The following CLIP2 variants were observed in gnomAD, a reference collection of about 807,000 sequenced individuals.
CLIP2 encodes CAP-Gly domain containing linker protein 2.
A neutral mutation model predicts 111.7 loss-of-function variants in CLIP2; 41 were observed. The ratio of observed to expected loss-of-function variants is 0.37; its 90% CI spans 0.29 to 0.48. CLIP2 has a LOEUF of 0.48. Among genes scored for constraint, CLIP2 ranks in the 20% least tolerant of loss-of-function variants. CLIP2 has a pLI of 0.99. For missense variants in CLIP2, 1,160 were observed against 1,422.1 expected (o/e 0.82, Z 2.96); for synonymous variants, 660 against 644.2 (o/e 1.02, Z -0.37).
intron 11 of CLIP2, chr7:74,386,290 T>C (rs1554314771): frequency 2.8e-6 from 1 of 363,532 alleles, no homozygotes; most frequent in Non-Finnish European, 5.0e-6. Context: ...TCCGCCGGCC[T>C]CGGCCTCCCA....
chr7:74,384,441 AT>A lies in CLIP2; in HGVS notation c.2480-2058del, dbSNP rs533449196. ...GAAGAGTAGAATGCTAGGTCATATG[AT>A]TTTTTTTTTTTTTTTTTTTTTGAGA... On this transcript the variant is annotated intron_variant, in intron 11 of 16. Transcript: ENST00000223398. 9.6e-3 allele frequency among the ~76,000 whole-genome samples: 942 copies of A among 98,452 alleles called. 5 individuals are homozygous for A. Among genetic ancestry groups the A allele is most frequent in the Non-Finnish European group, 0.011 (574 of 51,592 alleles). 64.6% of individuals were successfully genotyped at this position (98,452 alleles called of 152,430 possible). A position where few individuals can be genotyped will look rare whatever the true frequency, so the allele number is the denominator to read the frequency against.
chr7:74,403,956 C>A lies in CLIP2; in HGVS notation c.*108C>A. 1 of 1,250,568 alleles carries A rather than the reference C, an allele frequency of 8.0e-7. No homozygotes were observed. The highest frequency in any genetic ancestry group is 1.2e-6 in the Non-Finnish European group (1 of 858,788). The allele number at this position is 1,250,568 out of a possible 1,614,324, so 77.5% of individuals were successfully genotyped here. On this transcript the variant is annotated 3_prime_UTR_variant, in exon 17 of 17. Transcript: ENST00000223398. ...CGGGACTGTCACTTTGGAGACAAAACAGTGTTTGTAACAATAACGTACTCA... is the reference window on the plus strand; with the variant it reads ...CGGGACTGTCACTTTGGAGACAAAAAAGTGTTTGTAACAATAACGTACTCA...
At position 74,317,686 on chromosome 7, in the gene CLIP2, A is replaced by G; in HGVS notation, c.121+19A>G. On this transcript the variant is annotated intron_variant, in intron 2 of 16. Transcript: ENST00000223398. ...AAGGAAGGTACGTGGCACACCAAGG[A>G]TGGGGGGTGAGGGGACTGGCTACAT... 7.0e-7 allele frequency: 1 copy of G among 1,428,906 alleles called. No homozygotes were observed. The highest frequency in any genetic ancestry group is 9.2e-7 in the Non-Finnish European group (1 of 1,085,036). The allele number at this position is 1,428,906 out of a possible 1,614,324, so 88.5% of individuals were successfully genotyped here. A position where few individuals can be genotyped will look rare whatever the true frequency, so the allele number is the denominator to read the frequency against.
Position 74,403,466 on chromosome 7 carries a change from G to A in CLIP2, c.3130-371G>A, listed in dbSNP as rs187626285. 7.9e-3 allele frequency among the ~76,000 whole-genome samples: 1,206 copies of A among 152,284 alleles called. 10 individuals are homozygous for A. The highest frequency in any genetic ancestry group is 0.011 in the Non-Finnish European group (754 of 68,028). The stretch of plus-strand genomic sequence containing the variant: ...TGCCTGTTATCCCAGCTACTCAGGA[G>A]GCTGAAGCAGGAGAATCGCTTGAAC... On this transcript the variant is annotated intron_variant, in intron 16 of 16. Transcript: ENST00000223398.
chr7:74,356,450 A>C lies in CLIP2; in HGVS notation c.844A>C (p.Ile282Leu). 6.2e-7 allele frequency: 1 copy of C among 1,614,182 alleles called. No homozygotes were observed. ...CPPKFGLFAP[I>L]HKVIRIGFPS... ...ACCCAAGTTTGGTCTCTTCGCGCCC[A>C]TCCACAAAGTGATCCGTATCGGCTT... Residue 282 changes from isoleucine to leucine, a missense_variant, in exon 5 of 17, where the codon ATC (isoleucine) becomes CTC (leucine). Coordinates refer to ENST00000223398, the MANE Select transcript of CLIP2 (RefSeq NM_003388.5).
chr7:74,389,778 A>T (rs1584386811), intron 13 of CLIP2, among the ~76,000 whole-genome samples: 1 of 151,916 alleles, frequency 6.6e-6, no homozygotes, highest in East Asian at 1.9e-4. Flanking sequence ...GTGTGCCTGT[A>T]GTCCCAGCTA....
At chr7:74,342,979 G>A (rs1425091450) in intron 3 of CLIP2, among the ~76,000 whole-genome samples, 2 of 150,976 alleles carry the variant, frequency 1.3e-5, no homozygotes, top group African/African-American at 4.9e-5. Flanking sequence ...AGCTTGCAGT[G>A]AGCCAAGATG....
At chr7:74,347,265 CATGTGTA>C (rs1554306497) in intron 3 of CLIP2, among the ~76,000 whole-genome samples, 2 of 151,938 alleles carry the variant, frequency 1.3e-5, no homozygotes, top group African/African-American at 2.4e-5. Flanking sequence ...ATGAAGTGAA[CATGTGTA>C]TTCTTTTTCT....
chr7:74,299,606 C>T (rs1390699761), intron 1 of CLIP2, among the ~76,000 whole-genome samples: 3 of 152,194 alleles, frequency 2.0e-5, no homozygotes, highest in African/African-American at 7.2e-5. Flanking sequence ...CAGGCCTGAA[C>T]CTCAGTGGGC....
At chr7:74,319,711 C>T (rs1338520032) in intron 2 of CLIP2, among the ~76,000 whole-genome samples, 2 of 151,694 alleles carry the variant, frequency 1.3e-5, no homozygotes, top group African/African-American at 4.8e-5. Flanking sequence ...GTCCCAAGTA[C>T]TCAGGAGGGT....
chr7:74,364,657 G>A (rs373845296), intron 8 of CLIP2: 3 of 374,920 alleles, frequency 8.0e-6, no homozygotes, highest in African/African-American at 4.2e-5. Context: ...GTTCATCTTG[G>A]ATTCCAGGTA....
chr7:74,311,070 C>G (rs980237186), intron 1 of CLIP2, among the ~76,000 whole-genome samples: 1 of 151,864 alleles, frequency 6.6e-6, no homozygotes, highest in African/African-American at 2.4e-5. Flanking sequence ...AGCTCTGCCC[C>G]CTGGGTTCAC....
At position 74,362,528 on chromosome 7, in the gene CLIP2, C is replaced by CTTTTTTTTTTTT. The variant is rs3044338; in HGVS notation, c.1320-1720_1320-1709dup. Reference sequence around the variant, plus strand: ...ACAGATCTTTTTTTCTTTTTCTTTTCTTTTTTTTTTTTTTTTTTGTTTCTT... The same window carrying CTTTTTTTTTTTT: ...ACAGATCTTTTTTTCTTTTTCTTTTCTTTTTTTTTTTTTTTTTTTTTTTTTTTTTTGTTTCTT... On this transcript the variant is annotated intron_variant, in intron 7 of 16. Transcript: ENST00000223398. Among the ~76,000 whole-genome samples, 930 of 121,744 alleles carry CTTTTTTTTTTTT rather than the reference C, an allele frequency of 7.6e-3. 1 individual carries two copies. The highest frequency in any genetic ancestry group is 8.9e-3 in the Non-Finnish European group (548 of 61,236). 79.9% of individuals were successfully genotyped at this position (121,744 alleles called of 152,430 possible).
intron 3 of CLIP2, among the ~76,000 whole-genome samples, chr7:74,347,575 C>A (rs932614430): frequency 6.6e-6 from 1 of 152,176 alleles, no homozygotes; most frequent in Admixed American, 6.5e-5. Flanking sequence ...GCCAAACGCG[C>A]TGTACTCTAA....
chr7:74,382,542 G>A (rs1393943745), intron 11 of CLIP2, among the ~76,000 whole-genome samples: 32 of 144,416 alleles, frequency 2.2e-4, no homozygotes, highest in Non-Finnish European at 3.9e-4. Flanking sequence ...TCAAACTCCT[G>A]ACCTCATGAT....
At chr7:74,389,556 C>T (rs2116689790) in intron 13 of CLIP2, 1 of 212,832 alleles carries the variant, frequency 4.7e-6, no homozygotes, top group Non-Finnish European at 8.8e-6. Flanking sequence ...AGTTCAAGAC[C>T]AGCCTGGGCA....
intron 11 of CLIP2, among the ~76,000 whole-genome samples, chr7:74,384,524 C>A (rs1791031584): frequency 6.9e-6 from 1 of 144,910 alleles, no homozygotes; most frequent in Non-Finnish European, 1.5e-5. Context: ...TGGCTCACTG[C>A]AACCTCCGCC....
chr7:74,293,289 G>T (rs559324876), intron 1 of CLIP2, among the ~76,000 whole-genome samples: 6 of 152,276 alleles, frequency 3.9e-5, no homozygotes, highest in Non-Finnish European at 8.8e-5. Context: ...CCGGAAGCTG[G>T]CAGGCAGCTC....
At chr7:74,320,733 A>G (rs1788926871) in intron 2 of CLIP2, among the ~76,000 whole-genome samples, 1 of 152,120 alleles carries the variant, frequency 6.6e-6, no homozygotes, top group African/African-American at 2.4e-5. Context: ...TCCTGGAAGA[A>G]GCGTGAATGA....
Sources: allele counts gnomAD v4.1 joint callset (sites outside exome capture counted in the v4.1 genomes callset), GRCh38; gene constraint gnomAD v4.1.1; transcripts MANE v1.5; gene names NCBI Gene and HGNC (gene_info 2026-07-23, HGNC 2026-07-21).